Variants in PIEZO2 observed in about 807,000 individuals in gnomAD.
The protein encoded by PIEZO2 is piezo-type mechanosensitive ion channel component 2.
Under a neutral mutation model 337.3 loss-of-function variants are expected in PIEZO2, and 172 were observed. The observed-to-expected ratio is 0.51, with a 90% CI of 0.45 to 0.58. The LOEUF is 0.58. Ranked by LOEUF, PIEZO2 falls within the 20% of genes least tolerant of loss-of-function variation. The probability of loss-of-function intolerance (pLI) is 0.00; values close to 1 mark genes in which losing one functional copy is unlikely to be tolerated. For missense variants in PIEZO2, 3,028 were observed against 3,391.3 expected (o/e 0.89, Z 2.66); for synonymous variants, 1,251 against 1,228.5 (o/e 1.02, Z -0.38).
intron 3 of PIEZO2, among the ~76,000 whole-genome samples, chr18:10,919,899 C>T (rs576722670): frequency 6.6e-6 from 1 of 152,022 alleles, no homozygotes; most frequent in Non-Finnish European, 1.5e-5. Context: ...AGTAAAAATC[C>T]CTTTAAGAAC....
rs1361595659 is a variant in PIEZO2 at position 10,824,435 on chromosome 18, G to GT, written c.918-17162dup. ...CAAGTTATTGCATATATGCTTTCAT[G>GT]TTTATTTAAGGATATTTGTTGGCTA... On this transcript the variant is annotated intron_variant, in intron 7 of 55. Transcript: ENST00000674853. The surrounding 1 kb of genome is among the most constrained non-coding windows in gnomAD (Gnocchi z 4.4). Among the ~76,000 whole-genome samples the GT allele has an allele frequency of 6.6e-6, 1 of 152,084 alleles. No individual in the cohort carries two copies. Among genetic ancestry groups the GT allele is most frequent in the Admixed American group, 6.6e-5 (1 of 15,264 alleles).
intron 2 of PIEZO2, among the ~76,000 whole-genome samples, chr18:11,011,221 A>G (rs2035888328): frequency 6.6e-6 from 1 of 152,228 alleles, no homozygotes; most frequent in African/African-American, 2.4e-5. Flanking sequence ...TCAGTCATCT[A>G]TTCAACAGAA....
intron 1 of PIEZO2, among the ~76,000 whole-genome samples, chr18:11,133,002 T>C (rs899772256): frequency 1.3e-5 from 2 of 152,156 alleles, no homozygotes; most frequent in Admixed American, 6.5e-5. Flanking sequence ...TCTCCTGAGA[T>C]GCTTGCTGAA....
intron 36 of PIEZO2, among the ~76,000 whole-genome samples, chr18:10,729,611 G>A (rs192216448): frequency 8.7e-5 from 11 of 127,086 alleles, no homozygotes; most frequent in Admixed American, 6.7e-4. Flanking sequence ...GTGACACAGC[G>A]AGACTCTGTC....
At chr18:11,081,391 G>A (rs555728908) in intron 1 of PIEZO2, among the ~76,000 whole-genome samples, 1 of 152,294 alleles carries the variant, frequency 6.6e-6, no homozygotes, top group East Asian at 1.9e-4. Context: ...GCCAGGAGAA[G>A]AGGAAATCAA....
In PIEZO2 at chr18:10,737,780, C is replaced by T. The variant is rs979646632; in HGVS notation, c.4709-1070G>A. 4 of 152,310 alleles carry T rather than the reference C, an allele frequency of 2.6e-5. No homozygotes were observed. In the East Asian group the frequency reaches 5.8e-4, roughly 22 times the overall value. The allele number at this position is 152,310 out of a possible 1,614,324, so 9.4% of individuals were successfully genotyped here. Reference sequence around the variant, plus strand: ...GATGCTACAAGCAATGTCCCATCATCGCAGGAAAACATATTTTCAAATTAT... The same window carrying T: ...GATGCTACAAGCAATGTCCCATCATTGCAGGAAAACATATTTTCAAATTAT... On this transcript the variant is annotated intron_variant, in intron 33 of 55. Transcript: ENST00000674853.
At position 11,042,642 on chromosome 18, in the gene PIEZO2, A is replaced by G. The variant is rs200798074; in HGVS notation, c.160+23485T>C. Among the ~76,000 whole-genome samples, 8 of 152,226 alleles carry G rather than the reference A, an allele frequency of 5.3e-5. No homozygotes were observed. The East Asian group carries it at 1.5e-3, about 29-fold the overall frequency. On this transcript the variant is annotated intron_variant, in intron 2 of 55. Coordinates refer to ENST00000674853, the MANE Select transcript of PIEZO2 (RefSeq NM_001378183.1). Reference sequence around the variant, plus strand: ...CAGATGTGGACTCTTTCCATCCTACATGCTACTGCATCTCAGTGCCTGAGA... The same window carrying G: ...CAGATGTGGACTCTTTCCATCCTACGTGCTACTGCATCTCAGTGCCTGAGA...
At chr18:11,065,884 T>C (rs2038130601) in intron 2 of PIEZO2, among the ~76,000 whole-genome samples, 1 of 152,232 alleles carries the variant, frequency 6.6e-6, no homozygotes, top group Non-Finnish European at 1.5e-5. Context: ...GATACTGCCA[T>C]GCTTACTATG....
In PIEZO2 at chr18:10,733,875, T is replaced by C. The variant is rs1397903752; in HGVS notation, c.4914+1357A>G. On this transcript the variant is annotated intron_variant, in intron 35 of 55. Coordinates refer to ENST00000674853, the MANE Select transcript of PIEZO2 (RefSeq NM_001378183.1). Reference sequence around the variant, plus strand: ...CATGGAAATTTACATGAAAGACCTTTGAGCTCTCCAAAGAGCTACTACCAG... The same window carrying C: ...CATGGAAATTTACATGAAAGACCTTCGAGCTCTCCAAAGAGCTACTACCAG... 2.6e-5 allele frequency among the ~76,000 whole-genome samples: 4 copies of C among 152,216 alleles called. No individual in the cohort carries two copies. The South Asian group carries it at 6.2e-4, about 24-fold the overall frequency.
chr18:10,930,659 A>G (rs1036252099), intron 3 of PIEZO2, among the ~76,000 whole-genome samples: 2 of 152,242 alleles, frequency 1.3e-5, no homozygotes, highest in Non-Finnish European at 1.5e-5. Context: ...TTTTTGGTTT[A>G]CAACACCATG....
Position 10,724,967 on chromosome 18 carries a change from C to A in PIEZO2, c.5029+6440G>T. ...GGTGGGCGCACCCTGCGGCCTGCAGCCTCCCTGCCTCACATTACTAAGACT... is the reference window on the plus strand; with the variant it reads ...GGTGGGCGCACCCTGCGGCCTGCAGACTCCCTGCCTCACATTACTAAGACT... On this transcript the variant is annotated intron_variant, in intron 36 of 55. Coordinates refer to ENST00000674853, the MANE Select transcript of PIEZO2 (RefSeq NM_001378183.1). This position sits in a 1 kb window ranked among gnomAD's most constrained non-coding sequence, Gnocchi z 5.8. 2.3e-5 allele frequency: 36 copies of A among 1,583,220 alleles called. 1 individual carries two copies. The South Asian group carries it at 4.1e-4, about 18-fold the overall frequency.
chr18:10,773,555 A>G lies in PIEZO2; in HGVS notation c.2642T>C (p.Val881Ala), dbSNP rs768177162. Residue 881 changes from valine to alanine, a missense_variant, in exon 20 of 56, where the codon GTG becomes GCG. Val to Ala is a moderately conservative substitution (Grantham distance 64). Transcript: ENST00000674853. This position sits in a 1 kb window ranked among gnomAD's most constrained non-coding sequence, Gnocchi z 5.3. ...HLTASLEKPE[V>A]RKLAEPGEEK... ...CTCCCCAGGCTCAGCCAACTTCCTC[A>G]CCTCCGGCTTCTCCAGGCTGGCAGT... 4.9e-5 allele frequency: 75 copies of G among 1,536,754 alleles called. No individual in the cohort carries two copies. The highest frequency in any genetic ancestry group is 1.1e-5 in the Non-Finnish European group (13 of 1,146,822).
rs952054908 is a variant in PIEZO2, at chr18:10,726,170, T to G, written c.5029+5237A>C. Among the ~76,000 whole-genome samples the G allele has an allele frequency of 4.9e-4, 75 of 152,164 alleles. No homozygotes were observed. The highest frequency in any genetic ancestry group is 1.7e-3 in the African/African-American group (70 of 41,530). On this transcript the variant is annotated intron_variant, in intron 36 of 55. Transcript: ENST00000674853. This position sits in a 1 kb window ranked among gnomAD's most constrained non-coding sequence, Gnocchi z 5.9. ...GGATGGGTGGGAGAGGATTCATATA[T>G]GTGAGCAACTGTGGATCCTTGGGTG...
Position 10,767,874 on chromosome 18 carries a change from C to A in PIEZO2, c.2946+2274G>T, listed in dbSNP as rs545856748. ...CAAGAGTGGCTGTGGGATGCCCCAC[C>A]GTGGAGCCTCCAGGAGGGCAAGGGC... is the stretch of plus-strand genomic sequence containing the variant. On this transcript the variant is annotated intron_variant, in intron 21 of 55. Coordinates refer to ENST00000674853, the MANE Select transcript of PIEZO2 (RefSeq NM_001378183.1). The surrounding 1 kb of genome is among the most constrained non-coding windows in gnomAD (Gnocchi z 4.2). Among the ~76,000 whole-genome samples, 1 of 152,126 alleles carries A rather than the reference C, an allele frequency of 6.6e-6. No homozygotes were observed.
chr18:10,855,428 C>T lies in PIEZO2; in HGVS notation c.842G>A (p.Gly281Glu). The T allele has an allele frequency of 6.5e-7, 1 of 1,537,090 alleles. No homozygotes were observed. Among genetic ancestry groups the T allele is most frequent in the South Asian group, 1.2e-5 (1 of 84,056 alleles). The change falls in exon 7 of 56, where the codon GGA becomes GAA. Residue 281 changes from glycine (G) to glutamate (E), a missense_variant. Coordinates refer to ENST00000674853, the MANE Select transcript of PIEZO2 (RefSeq NM_001378183.1). The surrounding 1 kb of genome is among the most constrained non-coding windows in gnomAD (Gnocchi z 4.9). ...GTATAAATAAAGTCCAATCAAATGT[C>T]CAGCAGTGAAAATAGCCAGCAGAAC... ...LCVLLAIFTA[G>E]HLIGLYLYQF...
chr18:10,846,375 C>T lies in PIEZO2; in HGVS notation c.917+8978G>A, dbSNP rs1337958744. On this transcript the variant is annotated intron_variant, in intron 7 of 55. Coordinates refer to ENST00000674853, the MANE Select transcript of PIEZO2 (RefSeq NM_001378183.1). This position sits in a 1 kb window ranked among gnomAD's most constrained non-coding sequence, Gnocchi z 4.1. ...CCTGCCCCCATAATTCAATCACCTC[C>T]CACCGGGGATGAGATTTGGGTGGGG... Among the ~76,000 whole-genome samples, 1 of 152,172 alleles carries T rather than the reference C, an allele frequency of 6.6e-6. No individual in the cohort carries two copies. The highest frequency in any genetic ancestry group is 2.4e-5 in the African/African-American group (1 of 41,450).
rs528555248 is a variant in PIEZO2 at position 10,676,912 on chromosome 18, C to T, written c.8081+835G>A. Among the ~76,000 whole-genome samples the T allele has an allele frequency of 1.3e-5, 2 of 152,154 alleles. No homozygotes were observed. The highest frequency in any genetic ancestry group is 2.9e-5 in the Non-Finnish European group (2 of 68,026). Reference sequence around the variant, plus strand: ...CCTTGGAGGCACCAATAGCCCAGTACCCCCGGGGGCAGGGCAGGGAGAATG... The same window carrying T: ...CCTTGGAGGCACCAATAGCCCAGTATCCCCGGGGGCAGGGCAGGGAGAATG... On this transcript the variant is annotated intron_variant, in intron 53 of 55. Coordinates refer to ENST00000674853, the MANE Select transcript of PIEZO2 (RefSeq NM_001378183.1). The surrounding 1 kb of genome is among the most constrained non-coding windows in gnomAD (Gnocchi z 5.1).
At chr18:10,808,337 CCA>C (rs1178272564) in intron 7 of PIEZO2, among the ~76,000 whole-genome samples, 1 of 152,154 alleles carries the variant, frequency 6.6e-6, no homozygotes, top group Non-Finnish European at 1.5e-5. Flanking sequence ...AGTGATCCTC[CCA>C]AGTTAGTCTC....
In PIEZO2 at chr18:10,819,423, G is replaced by A. The variant is rs1480754668; in HGVS notation, c.918-12149C>T. Among the ~76,000 whole-genome samples, 3 of 152,090 alleles carry A rather than the reference G, an allele frequency of 2.0e-5. No individual in the cohort carries two copies. Among genetic ancestry groups the A allele is most frequent in the Admixed American group, 1.3e-4 (2 of 15,272 alleles). On this transcript the variant is annotated intron_variant, in intron 7 of 55. Transcript: ENST00000674853. The surrounding 1 kb of genome is among the most constrained non-coding windows in gnomAD (Gnocchi z 4.3). ...TTTAGATTACAGTTATTAATCAATG[G>A]AAAGAATAATGCTGAAGATATAAGC...
Sources: gnomAD v4.1 joint callset for allele counts (sites outside exome capture counted in the v4.1 genomes callset) on GRCh38, gnomAD v4.1.1 for gene constraint, Gnocchi (gnomAD v3.1) non-coding constraint, MANE v1.5 for transcripts, NCBI Gene and HGNC (gene_info 2026-07-23, HGNC 2026-07-21) for gene names.